The following HCN1 variants were observed in gnomAD, a reference collection of about 807,000 sequenced individuals.
The protein encoded by HCN1 is potassium/sodium hyperpolarization-activated cyclic nucleotide-gated channel 1.
A neutral mutation model predicts 78.9 loss-of-function variants in HCN1; 13 were observed. The observed-to-expected ratio is 0.16, with a 90% CI of 0.11 to 0.26. The LOEUF is 0.26. Ranked by LOEUF, HCN1 falls within the 10% of genes least tolerant of loss-of-function variation. HCN1 has a pLI of 1.00. For missense variants in HCN1, 810 were observed against 1,154.3 expected (o/e 0.70, Z 4.32); for synonymous variants, 552 against 455.5 (o/e 1.21, Z -2.70).
At chr5:45,469,188 T>C (rs1741337887) in intron 2 of HCN1, among the ~76,000 whole-genome samples, 1 of 151,952 alleles carries the variant, frequency 6.6e-6, no homozygotes, top group African/African-American at 2.4e-5. Context: ...ATACATCTTT[T>C]CAACTTTCAT....
intron 6 of HCN1, among the ~76,000 whole-genome samples, chr5:45,271,359 TACACACACACACACACAC>T (rs34016747): frequency 4.4e-5 from 6 of 137,326 alleles, no homozygotes; most frequent in Admixed American, 3.0e-4. Flanking sequence ...CTGATTCAGG[TACACACACACACACACAC>T]ACACACACAC....
chr5:45,434,984 T>C (rs1740535011), intron 3 of HCN1, among the ~76,000 whole-genome samples: 1 of 152,110 alleles, frequency 6.6e-6, no homozygotes. Context: ...ACTTGCTATA[T>C]TGTCTTTATG....
At chr5:45,377,511 A>G (rs1747709008) in intron 4 of HCN1, among the ~76,000 whole-genome samples, 1 of 152,012 alleles carries the variant, frequency 6.6e-6, no homozygotes. Context: ...CTTGCAACCT[A>G]ATCTTTATAG....
chr5:45,293,709 G>A (rs561021881), intron 6 of HCN1, among the ~76,000 whole-genome samples: 1 of 151,946 alleles, frequency 6.6e-6, no homozygotes. Flanking sequence ...AAGTATGTCA[G>A]ATATTTGGCA....
chr5:45,303,167 G>A (rs1404218982), intron 6 of HCN1, among the ~76,000 whole-genome samples: 5 of 152,100 alleles, frequency 3.3e-5, no homozygotes, highest in Non-Finnish European at 4.4e-5. Context: ...TTTCTGGGCA[G>A]TAGGAATATC....
intron 4 of HCN1, among the ~76,000 whole-genome samples, chr5:45,364,841 G>A (rs555396738): frequency 1.3e-5 from 2 of 152,126 alleles, no homozygotes; most frequent in African/African-American, 2.4e-5. Flanking sequence ...TTTCTAACAA[G>A]ATTCTAGATG....
intron 5 of HCN1, among the ~76,000 whole-genome samples, chr5:45,348,931 T>C (rs1472635109): frequency 6.6e-6 from 1 of 152,098 alleles, no homozygotes; most frequent in Non-Finnish European, 1.5e-5. Context: ...AAGGGAAACT[T>C]TAACACCCCA....
chr5:45,350,478 CCT>C (rs1746869292), intron 5 of HCN1, among the ~76,000 whole-genome samples: 1 of 151,836 alleles, frequency 6.6e-6, no homozygotes, highest in African/African-American at 2.4e-5. Flanking sequence ...ACAGGGATGC[CCT>C]CTCTCACCAC....
chr5:45,618,243 CG>C (rs1213841438), intron 2 of HCN1, among the ~76,000 whole-genome samples: 1 of 151,578 alleles, frequency 6.6e-6, no homozygotes, highest in Non-Finnish European at 1.5e-5. Flanking sequence ...CTGGAAGATA[CG>C]GGTGTGTGTT....
chr5:45,384,096 T>A (rs549895159), intron 4 of HCN1, among the ~76,000 whole-genome samples: 4 of 152,300 alleles, frequency 2.6e-5, no homozygotes, highest in Admixed American at 6.5e-5. Flanking sequence ...ATAGGGAGAA[T>A]AACTCATCAA....
chr5:45,669,448 CA>C (rs1223700497), intron 1 of HCN1, among the ~76,000 whole-genome samples: 1 of 151,684 alleles, frequency 6.6e-6, no homozygotes, highest in East Asian at 1.9e-4. Context: ...ATTCACATGG[CA>C]GAAGACAGTT....
chr5:45,409,961 G>T (rs1029571114), intron 3 of HCN1, among the ~76,000 whole-genome samples: 1 of 151,320 alleles, frequency 6.6e-6, no homozygotes, highest in Non-Finnish European at 1.5e-5. Context: ...GGTCTGATCT[G>T]GTTTGTCTAA....
At chr5:45,466,082 A>T (rs943479036) in intron 2 of HCN1, among the ~76,000 whole-genome samples, 4 of 152,132 alleles carry the variant, frequency 2.6e-5, no homozygotes, top group Non-Finnish European at 5.9e-5. Flanking sequence ...CATAAATGTG[A>T]TTTTTTGTGA....
chr5:45,472,316 G>A (rs373903770), intron 2 of HCN1, among the ~76,000 whole-genome samples: 7 of 151,718 alleles, frequency 4.6e-5, no homozygotes, highest in African/African-American at 1.2e-4. Flanking sequence ...AAAATTAAGC[G>A]CTTACTCCAA....
chr5:45,330,740 C>T (rs1746327560), intron 5 of HCN1, among the ~76,000 whole-genome samples: 1 of 150,802 alleles, frequency 6.6e-6, no homozygotes. Flanking sequence ...TCATAAGTAT[C>T]AAATATGCTT....
intron 6 of HCN1, among the ~76,000 whole-genome samples, chr5:45,297,713 C>G (rs72759959): frequency 2.6e-3 from 389 of 152,002 alleles, no homozygotes; most frequent in Non-Finnish European, 4.3e-3. Context: ...AAAATCATGA[C>G]CAAAATATTA....
chr5:45,665,160 A>C (rs1003838950), intron 1 of HCN1, among the ~76,000 whole-genome samples: 12 of 152,034 alleles, frequency 7.9e-5, no homozygotes, highest in Non-Finnish European at 1.3e-4. Context: ...GACATGGATG[A>C]AATTGGAAAT....
chr5:45,413,239 G>A (rs1740057752), intron 3 of HCN1, among the ~76,000 whole-genome samples: 1 of 152,018 alleles, frequency 6.6e-6, no homozygotes, highest in Admixed American at 6.6e-5. Flanking sequence ...CAATGAATGT[G>A]AGATCCAAGC....
At chr5:45,363,729 T>C (rs1747172106) in intron 4 of HCN1, among the ~76,000 whole-genome samples, 1 of 151,936 alleles carries the variant, frequency 6.6e-6, no homozygotes, top group Non-Finnish European at 1.5e-5. Context: ...GAATAAGTCT[T>C]ACGAGATCTG....
Sources: allele counts gnomAD v4.1 joint callset (sites outside exome capture counted in the v4.1 genomes callset), GRCh38; gene constraint gnomAD v4.1.1; transcripts MANE v1.5; gene names NCBI Gene and HGNC (gene_info 2026-07-23, HGNC 2026-07-21).